PHLDB1: variants seen among roughly 807,000 people sequenced by gnomAD.
PHLDB1 encodes pleckstrin homology-like domain family B member 1.
In PHLDB1, 65 loss-of-function variants were observed where a neutral mutation model predicts 139.3. The observed-to-expected ratio is 0.47, with a 90% confidence interval of 0.38 to 0.57. The LOEUF (loss-of-function observed/expected upper bound fraction) is 0.57, where lower values mean the gene tolerates loss of function less well. Among genes scored for constraint, PHLDB1 ranks in the 20% least tolerant of loss-of-function variants. The pLI is 0.00. For synonymous variants in PHLDB1, 679 were observed against 734.5 expected (o/e 0.92, Z 1.22); for missense variants, 1,624 against 1,839.7 (o/e 0.88, Z 2.14).
In PHLDB1 at chr11:118,627,637, C is replaced by A. The variant is rs895340631; in HGVS notation, c.814C>A (p.Pro272Thr). ...ASSGSCASHSPSGQEPGPSVP... is the reference protein window; with the variant it reads ...ASSGSCASHSTSGQEPGPSVP... Reference sequence around the variant, plus strand: ...CAGTGGAAGCTGTGCCAGTCACTCACCCAGTGGGCAAGAGCCAGGACCTTC... The same window carrying A: ...CAGTGGAAGCTGTGCCAGTCACTCAACCAGTGGGCAAGAGCCAGGACCTTC... The change falls in exon 6 of 23, where the codon CCC (proline) becomes ACC (threonine). Residue 272 changes from proline (P) to threonine (T), a missense_variant. Transcript: ENST00000600882. The A allele has an allele frequency of 6.2e-7, 1 of 1,612,624 alleles. No individual in the cohort carries two copies. The highest frequency in any genetic ancestry group is 1.1e-5 in the South Asian group (1 of 91,090).
chr11:118,656,013 G>A, intron 22 of PHLDB1, 121 bp downstream of exon 22: 1 of 772,530 alleles, frequency 1.3e-6, no homozygotes, highest in Non-Finnish European at 2.2e-6. Context: ...GGAGCAGAAA[G>A]CAGGTTGCAA....
In PHLDB1 at chr11:118,610,367, T is replaced by C; in HGVS notation, c.-22+2668T>C. ...GGCTCCCCGCCTCAGTTTCCTTCCCTTCCTGACTCCTTCCTCTGACGGCGG... is the reference window on the plus strand; with the variant it reads ...GGCTCCCCGCCTCAGTTTCCTTCCCCTCCTGACTCCTTCCTCTGACGGCGG... On this transcript the variant is annotated intron_variant, in intron 1 of 22. Coordinates refer to ENST00000600882, the MANE Select transcript of PHLDB1 (RefSeq NM_001144758.3). This position sits in a 1 kb window ranked among gnomAD's most constrained non-coding sequence, Gnocchi z 8.7. 2.5e-6 allele frequency: 2 copies of C among 798,088 alleles called. No homozygotes were observed. The highest frequency in any genetic ancestry group is 3.0e-6 in the Non-Finnish European group (2 of 658,480). 49.4% of individuals were successfully genotyped at this position (798,088 alleles called of 1,614,324 possible).
rs147889733 is a variant in PHLDB1 at position 118,611,277 on chromosome 11, C to G, written c.-21-2539C>G. The stretch of plus-strand genomic sequence containing the variant: ...GGTTACTGTGCTGGGGCCACAGCCT[C>G]GCACCTCCCAATCTCTCCATCTTTT... On this transcript the variant is annotated intron_variant, in intron 1 of 22. Coordinates refer to ENST00000600882, the MANE Select transcript of PHLDB1 (RefSeq NM_001144758.3). This position sits in a 1 kb window ranked among gnomAD's most constrained non-coding sequence, Gnocchi z 4.7. 6.6e-6 allele frequency among the ~76,000 whole-genome samples: 1 copy of G among 152,218 alleles called. No homozygotes were observed. The highest frequency in any genetic ancestry group is 1.5e-5 in the Non-Finnish European group (1 of 68,028).
chr11:118,646,068 G>A (rs1947460235), intron 17 of PHLDB1, among the ~76,000 whole-genome samples: 1 of 152,054 alleles, frequency 6.6e-6, no homozygotes. Flanking sequence ...AAACCATCCT[G>A]GCTAACACGG....
At chr11:118,647,033 G>T (rs1947637333) in intron 17 of PHLDB1, 1 of 152,218 alleles carries the variant, frequency 6.6e-6, no homozygotes, top group South Asian at 2.1e-4. Context: ...AAGCATCACT[G>T]ACATGCTCTG....
At chr11:118,626,363 A>C (rs1279221312) in intron 5 of PHLDB1, among the ~76,000 whole-genome samples, 3 of 151,350 alleles carry the variant, frequency 2.0e-5, no homozygotes, top group Non-Finnish European at 4.4e-5. Context: ...TCTTCTTTGT[A>C]TAATGCCTTC....
chr11:118,640,014 G>C (rs1352370612), intron 12 of PHLDB1: 2 of 985,326 alleles, frequency 2.0e-6, no homozygotes, highest in African/African-American at 3.5e-5. Flanking sequence ...GGTAATCACA[G>C]CTAACTGCGT....
rs1942599862 is a variant in PHLDB1, at chr11:118,620,694, A to G, written c.356-4240A>G. ...GGCCCAGGAAGTGGGCTGGCCGGAA[A>G]GGGCAGTGCCTTGGTCCACTCTGGG... On this transcript the variant is annotated intron_variant, in intron 4 of 22. Transcript: ENST00000600882. This position sits in a 1 kb window ranked among gnomAD's most constrained non-coding sequence, Gnocchi z 4.1. Among the ~76,000 whole-genome samples the G allele has an allele frequency of 6.6e-6, 1 of 152,162 alleles. No homozygotes were observed. Among genetic ancestry groups the G allele is most frequent in the African/African-American group, 2.4e-5 (1 of 41,430 alleles).
chr11:118,656,991 G>C lies in PHLDB1; in HGVS notation c.*168G>C. ...GCTGCCTCCTGGGAGCCCAGAACTT[G>C]CAGTAACCCTTTAGGGTCCTGCCCC... On this transcript the variant is annotated 3_prime_UTR_variant, in exon 23 of 23. Transcript: ENST00000600882. 1 of 602,622 alleles carries C rather than the reference G, an allele frequency of 1.7e-6. No individual in the cohort carries two copies. Among genetic ancestry groups the C allele is most frequent in the Non-Finnish European group, 2.9e-6 (1 of 348,674 alleles). 37.3% of individuals were successfully genotyped at this position (602,622 alleles called of 1,614,324 possible). A position where few individuals can be genotyped will look rare whatever the true frequency, so the allele number is the denominator to read the frequency against.
chr11:118,617,612 C>T (rs2135850139), intron 4 of PHLDB1, among the ~76,000 whole-genome samples: 1 of 152,146 alleles, frequency 6.6e-6, no homozygotes, highest in Non-Finnish European at 1.5e-5. Flanking sequence ...ATTACAGGCA[C>T]CTGCCACCGC....
intron 15 of PHLDB1, 59 bp downstream of exon 15, chr11:118,644,233 T>C (rs1947072719): frequency 6.9e-6 from 8 of 1,166,152 alleles, no homozygotes. Flanking sequence ...GTAGTTGCCA[T>C]GCCTCCTCTA....
rs1356395378 is a variant in PHLDB1 at position 118,650,014 on chromosome 11, G to A, written c.3655-63G>A. The A allele has an allele frequency of 1.7e-6, 2 of 1,211,382 alleles. No individual in the cohort carries two copies. Among genetic ancestry groups the A allele is most frequent in the Non-Finnish European group, 2.5e-6 (2 of 813,480 alleles). The allele number at this position is 1,211,382 out of a possible 1,614,324, so 75.0% of individuals were successfully genotyped here. A position where few individuals can be genotyped will look rare whatever the true frequency, so the allele number is the denominator to read the frequency against. On this transcript the variant is annotated intron_variant, in intron 18 of 22. Transcript: ENST00000600882. This position sits in a 1 kb window ranked among gnomAD's most constrained non-coding sequence, Gnocchi z 4.7. ...TGGGGTTTAGAAGTGAAGCCAAGGG[G>A]CCTGGACAGGGGAATAATGAGGGAA...
At position 118,627,716 on chromosome 11, in the gene PHLDB1, C is replaced by T. The variant is rs782087071; in HGVS notation, c.893C>T (p.Pro298Leu). The change falls in exon 6 of 23, where the codon CCC becomes CTC. Residue 298 changes from proline to leucine, a missense_variant. Transcript: ENST00000600882. Reference sequence around the variant, plus strand: ...TCCAGCTACCATCTGGCCCTACAGCCCCCACAGTCCCGCCCAAGTGGTGCT... The same window carrying T: ...TCCAGCTACCATCTGGCCCTACAGCTCCCACAGTCCCGCCCAAGTGGTGCT... Reference protein sequence around the residue: ...RSSSYHLALQPPQSRPSGARS... With the variant: ...RSSSYHLALQLPQSRPSGARS... 8 of 1,609,994 alleles carry T rather than the reference C, an allele frequency of 5.0e-6. No homozygotes were observed. In the East Asian group the frequency reaches 1.3e-4, roughly 27 times the overall value.
Position 118,628,196 on chromosome 11 carries a change from C to T in PHLDB1, c.1373C>T (p.Pro458Leu). 1 of 1,614,056 alleles carries T rather than the reference C, an allele frequency of 6.2e-7. No individual in the cohort carries two copies. Among genetic ancestry groups the T allele is most frequent in the Non-Finnish European group, 8.5e-7 (1 of 1,179,974 alleles). ...GGCCTGGACAGTATGCGAGAACTAC[C>T]CCCCTTAAGTCCATCTCTGTCCCGG... is the stretch of plus-strand genomic sequence containing the variant. The part of the protein sequence containing the change: ...RRGLDSMREL[P>L]PLSPSLSRRA... The change falls in exon 6 of 23, where the codon CCC becomes CTC. Residue 458 changes from proline (P) to leucine (L), a missense_variant. By Grantham distance (98) the Pro-to-Leu change is moderately conservative. Transcript: ENST00000600882.
At position 118,611,805 on chromosome 11, in the gene PHLDB1, T is replaced by A. The variant is rs1940386052; in HGVS notation, c.-21-2011T>A. Among the ~76,000 whole-genome samples, 4 of 145,530 alleles carry A rather than the reference T, an allele frequency of 2.7e-5. No homozygotes were observed. In the South Asian group the frequency reaches 6.4e-4, roughly 23 times the overall value. On this transcript the variant is annotated intron_variant, in intron 1 of 22. Transcript: ENST00000600882. The surrounding 1 kb of genome is among the most constrained non-coding windows in gnomAD (Gnocchi z 4.7). Reference sequence around the variant, plus strand: ...TGCACTCCAGCCTGGGCAACAAGAGTGAAACTCCGTCTCAAAAAAAAAAAA... The same window carrying A: ...TGCACTCCAGCCTGGGCAACAAGAGAGAAACTCCGTCTCAAAAAAAAAAAA...
At chr11:118,626,546 G>T (rs893891157) in intron 5 of PHLDB1, among the ~76,000 whole-genome samples, 13 of 152,176 alleles carry the variant, frequency 8.5e-5, no homozygotes, top group South Asian at 4.1e-4. Flanking sequence ...ACCACACCCG[G>T]CTAATTTTTT....
rs888588045 is a variant in PHLDB1, at chr11:118,611,775, A to T, written c.-21-2041A>T. ...GGAGGTTGCGGTAAGCCGAGATAGC[A>T]CCGCTGCACTCCAGCCTGGGCAACA... On this transcript the variant is annotated intron_variant, in intron 1 of 22. Transcript: ENST00000600882. This position sits in a 1 kb window ranked among gnomAD's most constrained non-coding sequence, Gnocchi z 4.7. 2.0e-5 allele frequency among the ~76,000 whole-genome samples: 3 copies of T among 151,272 alleles called. No homozygotes were observed. Among genetic ancestry groups the T allele is most frequent in the Non-Finnish European group, 2.9e-5 (2 of 67,890 alleles).
chr11:118,609,254 G>A (rs1427989795), intron 1 of PHLDB1, among the ~76,000 whole-genome samples: 8 of 106,206 alleles, frequency 7.5e-5, no homozygotes, highest in African/African-American at 3.0e-4. Flanking sequence ...CACACACACA[G>A]CTCAGCTCAA....
intron 6 of PHLDB1, among the ~76,000 whole-genome samples, chr11:118,631,006 C>T (rs61900957): frequency 0.066 from 9,818 of 148,082 alleles, 442 homozygotes; most frequent in Non-Finnish European, 0.099. Context: ...ACAACAGCCT[C>T]GTTCTTCCTG....
Sources: allele counts gnomAD v4.1 joint callset (sites outside exome capture counted in the v4.1 genomes callset), GRCh38; gene constraint gnomAD v4.1.1; non-coding constraint Gnocchi (gnomAD v3.1); transcripts MANE v1.5; gene names NCBI Gene and HGNC (gene_info 2026-07-23, HGNC 2026-07-21).